Variants in ZC4H2 observed in about 807,000 individuals in gnomAD.
The protein encoded by ZC4H2 is zinc finger C4H2 domain-containing protein.
For missense variants in ZC4H2, 137 were observed against 173.9 expected, an observed-to-expected ratio of 0.79 and a Z score of 1.19; for synonymous variants, 84 against 66.3, an observed-to-expected ratio of 1.27 and a Z score of -1.30.
At chrX:65,007,137 A>G (rs980854314) in intron 1 of ZC4H2, among the ~76,000 whole-genome samples, 2 of 112,067 alleles carry the variant, frequency 1.8e-5, no homozygotes, top group Non-Finnish European at 3.8e-5. Flanking sequence ...TTGTTCAAAA[A>G]AAAAAAAAGA....
At chrX:64,922,670 A>T (rs1432819655) in intron 1 of ZC4H2, among the ~76,000 whole-genome samples, 1 of 112,245 alleles carries the variant, frequency 8.9e-6, no homozygotes, top group African/African-American at 3.2e-5. Context: ...GAAACCAAAA[A>T]TGATCTCTTG....
chrX:65,003,863 T>G (rs1932603070), intron 1 of ZC4H2, among the ~76,000 whole-genome samples: 1 of 102,060 alleles, frequency 9.8e-6, no homozygotes, highest in African/African-American at 3.6e-5. Flanking sequence ...GGTGACAGAG[T>G]GAAACTATGT....
At chrX:65,014,820 A>G (rs1046964750) in intron 1 of ZC4H2, among the ~76,000 whole-genome samples, 7 of 112,478 alleles carry the variant, frequency 6.2e-5, no homozygotes, top group Non-Finnish European at 1.1e-4. Context: ...GAACATATTC[A>G]GTAGCATGAA....
chrX:64,920,686 A>C (rs1249062422), intron 2 of ZC4H2, among the ~76,000 whole-genome samples: 1 of 112,206 alleles, frequency 8.9e-6, no homozygotes, highest in Non-Finnish European at 1.9e-5. Context: ...ATCCTGCATA[A>C]AGACTTAGGG....
At chrX:64,988,079 G>A (rs1932228558) in intron 1 of ZC4H2, among the ~76,000 whole-genome samples, 1 of 109,390 alleles carries the variant, frequency 9.1e-6, no homozygotes, top group Non-Finnish European at 1.9e-5. Flanking sequence ...CTTTTTTATG[G>A]CTGCATAGTA....
At chrX:65,005,462 C>G (rs764328078) in intron 1 of ZC4H2, among the ~76,000 whole-genome samples, 2 of 100,163 alleles carry the variant, frequency 2.0e-5, no homozygotes, top group Non-Finnish European at 3.8e-5. Flanking sequence ...AAAAACCTGA[C>G]GCAAGCAAGC....
chrX:64,959,132 C>T (rs1466120319), intron 1 of ZC4H2, among the ~76,000 whole-genome samples: 1 of 110,103 alleles, frequency 9.1e-6, no homozygotes, highest in African/African-American at 3.3e-5. Context: ...ATTCCCATTG[C>T]TATTTTCCTA....
At chrX:64,984,554 T>G (rs141189084) in intron 1 of ZC4H2, among the ~76,000 whole-genome samples, 1 of 111,287 alleles carries the variant, frequency 9.0e-6, no homozygotes, top group African/African-American at 3.3e-5. Context: ...AGTTTACTTC[T>G]CTGGGTGGCC....
chrX:65,030,220 T>G (rs763873210), intron 1 of ZC4H2, among the ~76,000 whole-genome samples: 7 of 111,596 alleles, frequency 6.3e-5, no homozygotes, highest in Admixed American at 1.9e-4. Flanking sequence ...TGGGCTTAAG[T>G]CATCCTCCCA....
intron 1 of ZC4H2, among the ~76,000 whole-genome samples, chrX:64,967,795 G>A (rs189724185): frequency 1.8e-4 from 20 of 112,419 alleles, no homozygotes; most frequent in South Asian, 1.1e-3. Flanking sequence ...ACAGATTTAT[G>A]CATGAAGCAA....
chrX:65,003,871 T>C (rs1397079913), intron 1 of ZC4H2, among the ~76,000 whole-genome samples: 2 of 104,466 alleles, frequency 1.9e-5, no homozygotes, highest in Non-Finnish European at 3.9e-5. Flanking sequence ...AGTGAAACTA[T>C]GTCTCAAAAA....
intron 1 of ZC4H2, among the ~76,000 whole-genome samples, chrX:64,994,344 A>C (rs1234261126): frequency 8.9e-6 from 1 of 112,227 alleles, no homozygotes; most frequent in Non-Finnish European, 1.9e-5. Flanking sequence ...GGTCAAAGCC[A>C]GGCAATCTGA....
intron 1 of ZC4H2, among the ~76,000 whole-genome samples, chrX:64,989,434 C>T (rs1932264682): frequency 8.9e-6 from 1 of 111,824 alleles, no homozygotes; most frequent in Non-Finnish European, 1.9e-5. Flanking sequence ...AGGTTCTTCA[C>T]ATCCCTTGTA....
Position 64,983,286 on chromosome X carries a change from T to A in ZC4H2, c.-272+51343A>T, listed in dbSNP as rs1239335450. ...TCTTAGGGTTGTAATTAAATTAATA[T>A]ACGGAACTGGCTAAAACAGCATAAT... On this transcript the variant is annotated intron_variant, in intron 1 of 4. Transcript: ENST00000337990. Among the ~76,000 whole-genome samples the A allele has an allele frequency of 3.6e-5, 4 of 112,240 alleles. No individual in the cohort carries two copies. In the East Asian group the frequency reaches 1.1e-3, roughly 31 times the overall value.
intron 1 of ZC4H2, among the ~76,000 whole-genome samples, chrX:64,924,342 G>T (rs1157289923): frequency 1.8e-5 from 2 of 111,947 alleles, no homozygotes; most frequent in African/African-American, 6.5e-5. Flanking sequence ...ATTATAGAGG[G>T]TTTCAATATA....
chrX:64,924,194 CA>C (rs1290270250), intron 1 of ZC4H2, among the ~76,000 whole-genome samples: 1 of 111,800 alleles, frequency 8.9e-6, no homozygotes, highest in Non-Finnish European at 1.9e-5. Context: ...CAGACAAAGT[CA>C]TATCATAAAA....
At position 64,976,371 on chromosome X, in the gene ZC4H2, C is replaced by T; in HGVS notation, c.7G>A (p.Asp3Asn). 1 of 1,211,698 alleles carries T rather than the reference C, an allele frequency of 8.3e-7. No homozygotes were observed. The change falls in exon 1 of 5, where the codon GAT becomes AAT. Residue 3 changes from aspartate (D) to asparagine (N), a missense_variant. Coordinates refer to ENST00000374839, the MANE Select transcript of ZC4H2 (RefSeq NM_018684.4). The stretch of plus-strand genomic sequence containing the variant: ...AATTTGCACATGATTTCTTGCTCAT[C>T]TGCCATACTTTTCACTGTCAATTTC... MADEQEIMCKLES... is the reference protein window; with the variant it reads MANEQEIMCKLES...
At chrX:64,976,477 T>C, upstream of ZC4H2, 7 of 947,168 alleles carry the variant, frequency 7.4e-6, no homozygotes, top group Non-Finnish European at 1.1e-5. Flanking sequence ...CTTGGGGCTA[T>C]GAGCCTGTGC....
intron 1 of ZC4H2, chrX:65,034,553 G>A (rs1932983533): frequency 8.9e-6 from 1 of 112,503 alleles, no homozygotes; most frequent in Non-Finnish European, 1.9e-5. Flanking sequence ...TCGAGGGGCT[G>A]GGAGACGGTC....
Sources: allele counts gnomAD v4.1 joint callset (sites outside exome capture counted in the v4.1 genomes callset), GRCh38; gene constraint gnomAD v4.1.1; transcripts MANE v1.5; gene names NCBI Gene and HGNC (gene_info 2026-07-23, HGNC 2026-07-21).